PCDH15: variants seen among roughly 807,000 people sequenced by gnomAD.
The protein encoded by PCDH15 is protocadherin related 15, also known as protocadherin-15.
PCDH15 carries 129 observed loss-of-function variants against 178.5 expected under a neutral mutation model. The ratio of observed to expected loss-of-function variants is 0.72; its 90% CI spans 0.63 to 0.84. The LOEUF (loss-of-function observed/expected upper bound fraction) is 0.84, where lower values mean the gene tolerates loss of function less well. PCDH15 is among the 40% of genes least tolerant of loss of function. The pLI, the probability that PCDH15 is intolerant of heterozygous loss-of-function variation, is 0.00. For missense variants in PCDH15, 2,230 were observed against 2,099.9 expected (o/e 1.06, Z -1.21); for synonymous variants, 800 against 732.0 (o/e 1.09, Z -1.50).
chr10:54,097,369 G>A (rs184636328), intron 15 of PCDH15, among the ~76,000 whole-genome samples: 16 of 152,118 alleles, frequency 1.1e-4, no homozygotes, highest in Admixed American at 7.9e-4. Context: ...TCTAAACTTC[G>A]GGGTCTTACC....
chr10:54,017,662 C>T (rs972420822), intron 20 of PCDH15, among the ~76,000 whole-genome samples: 2 of 151,776 alleles, frequency 1.3e-5, no homozygotes, highest in Non-Finnish European at 2.9e-5. Context: ...AGTGAAGAAG[C>T]GGGGGTTGAG....
intron 10 of PCDH15, among the ~76,000 whole-genome samples, chr10:54,206,874 T>C (rs990656396): frequency 2.0e-5 from 3 of 152,094 alleles, no homozygotes; most frequent in African/African-American, 4.8e-5. Flanking sequence ...AGGATGTTTA[T>C]GTGTGTGGGG....
intron 2 of PCDH15, among the ~76,000 whole-genome samples, chr10:55,141,157 C>T (rs1432387725): frequency 1.3e-5 from 2 of 151,924 alleles, no homozygotes; most frequent in Non-Finnish European, 2.9e-5. Flanking sequence ...TGCTCTTCTT[C>T]TTCTGGGACA....
At chr10:53,842,559 T>G (rs2077726649) in intron 28 of PCDH15, among the ~76,000 whole-genome samples, 1 of 152,118 alleles carries the variant, frequency 6.6e-6, no homozygotes, top group African/African-American at 2.4e-5. Context: ...TTTCCTTAAA[T>G]AGAAAACAAG....
upstream of PCDH15, among the ~76,000 whole-genome samples, chr10:55,320,799 A>G (rs1843876268): frequency 6.6e-6 from 1 of 152,222 alleles, no homozygotes. Flanking sequence ...AGCAATGCCA[A>G]AGACTGAAGG....
chr10:54,714,768 G>C (rs11004470), intron 1 of PCDH15, among the ~76,000 whole-genome samples: 18,538 of 152,082 alleles, frequency 0.12, 1,262 homozygotes, highest in African/African-American at 0.17. Context: ...CAGGACTCCT[G>C]TTTTTATTCC....
intron 1 of PCDH15, among the ~76,000 whole-genome samples, chr10:55,246,851 G>T (rs1841691083): frequency 6.6e-6 from 1 of 152,014 alleles, no homozygotes; most frequent in African/African-American, 2.4e-5. Flanking sequence ...TATTTTCCTT[G>T]TTATATATTA....
intron 3 of PCDH15, among the ~76,000 whole-genome samples, chr10:54,810,824 T>C (rs1011363551): frequency 2.0e-5 from 3 of 152,162 alleles, no homozygotes; most frequent in Non-Finnish European, 4.4e-5. Context: ...GGTTTTCTTT[T>C]CAAAACATAG....
upstream of PCDH15, among the ~76,000 whole-genome samples, chr10:54,805,391 A>G (rs1474863995): frequency 6.6e-6 from 1 of 152,146 alleles, no homozygotes; most frequent in African/African-American, 2.4e-5. Flanking sequence ...ACTTATTGTC[A>G]GCAGTCATTT....
chr10:55,159,677 TAA>T (rs538208821), intron 2 of PCDH15, among the ~76,000 whole-genome samples: 273 of 147,740 alleles, frequency 1.8e-3, no homozygotes, highest in African/African-American at 6.2e-3. Flanking sequence ...TATATCTTTA[TAA>T]AGAGATATAT....
At chr10:55,395,200 A>C (rs71504008) in intron 2 of PCDH15, among the ~76,000 whole-genome samples, 1 of 77,264 alleles carries the variant, frequency 1.3e-5, no homozygotes, top group African/African-American at 4.1e-5. Context: ...TGTGTGTGAG[A>C]GAGAGAGAGA....
chr10:54,676,322 C>T (rs1212570447), intron 1 of PCDH15, among the ~76,000 whole-genome samples: 1 of 151,948 alleles, frequency 6.6e-6, no homozygotes, highest in African/African-American at 2.4e-5. Flanking sequence ...CCCAATTAAA[C>T]TAATCTTTTC....
chr10:54,884,807 C>T (rs1323031688), intron 3 of PCDH15, among the ~76,000 whole-genome samples: 1 of 151,918 alleles, frequency 6.6e-6, no homozygotes, highest in African/African-American at 2.4e-5. Context: ...GAACTAAAGC[C>T]AAATTCTTAT....
chr10:54,044,903 T>C (rs142016361), intron 18 of PCDH15, among the ~76,000 whole-genome samples: 33 of 152,286 alleles, frequency 2.2e-4, no homozygotes, highest in African/African-American at 7.0e-4. Context: ...ACACTGACTA[T>C]TCTGACTTTG....
At chr10:53,988,376 A>C (rs570356963) in intron 21 of PCDH15, among the ~76,000 whole-genome samples, 1 of 152,132 alleles carries the variant, frequency 6.6e-6, no homozygotes, top group East Asian at 1.9e-4. Context: ...GTGGGTGCCA[A>C]TTTTTCTCAT....
In PCDH15 at chr10:54,153,287, C is replaced by T. The variant is rs1297131862; in HGVS notation, c.1597G>A (p.Ala533Thr). Residue 533 changes from alanine (A) to threonine (T), a missense_variant, in exon 14 of 38, where the codon GCA (alanine) becomes ACA (threonine). Ala to Thr is a moderately conservative substitution (Grantham distance 58). Coordinates refer to ENST00000644397, the MANE Select transcript of PCDH15 (RefSeq NM_001384140.1). ...TTTGACCCTTCGTCTGCGTCGACTG[C>T]AGTGAGCTGGAATTGAAAATCACAA... The part of the protein sequence containing the change: ...RPGDSVIQLT[A>T]VDADEGSNGE... 1.2e-6 allele frequency: 2 copies of T among 1,613,630 alleles called. No homozygotes were observed. The highest frequency in any genetic ancestry group is 2.7e-5 in the African/African-American group (2 of 74,876).
chr10:53,994,704 T>G (rs1324627565), intron 21 of PCDH15: 2 of 152,126 alleles, frequency 1.3e-5, no homozygotes, highest in Admixed American at 1.3e-4. Context: ...GCTTCTGAAT[T>G]AAAGCCCACC....
chr10:54,068,022 C>T (rs1378925621), intron 17 of PCDH15, among the ~76,000 whole-genome samples: 3 of 150,650 alleles, frequency 2.0e-5, no homozygotes, highest in Non-Finnish European at 4.4e-5. Context: ...TGGTAAATAC[C>T]CAATGCTTTC....
chr10:55,428,646 T>C (rs1304660588), intron 2 of PCDH15, among the ~76,000 whole-genome samples: 2 of 151,942 alleles, frequency 1.3e-5, no homozygotes, highest in Non-Finnish European at 2.9e-5. Flanking sequence ...TAACATATTT[T>C]AGGGCTTACT....
Sources: allele counts gnomAD v4.1 joint callset (sites outside exome capture counted in the v4.1 genomes callset), GRCh38; gene constraint gnomAD v4.1.1; transcripts MANE v1.5; gene names NCBI Gene and HGNC (gene_info 2026-07-23, HGNC 2026-07-21).